The following DLG2 variants were observed in gnomAD, a reference collection of about 807,000 sequenced individuals.
DLG2 encodes discs large MAGUK scaffold protein 2, also known as disks large homolog 2.
Under a neutral mutation model 132.5 loss-of-function variants are expected in DLG2, and 45 were observed. That is an observed-to-expected ratio of 0.34 (90% CI 0.27 to 0.44). The LOEUF (loss-of-function observed/expected upper bound fraction) is 0.44, where lower values mean the gene tolerates loss of function less well. Among genes scored for constraint, DLG2 ranks in the 20% least tolerant of loss-of-function variants. The probability of loss-of-function intolerance (pLI) is 1.00; values close to 1 mark genes in which losing one functional copy is unlikely to be tolerated. For synonymous variants in DLG2, 424 were observed against 419.6 expected, an observed-to-expected ratio of 1.01 and a Z score of -0.13; for missense variants, 1,045 against 1,196.9, an observed-to-expected ratio of 0.87 and a Z score of 1.87.
chr11:85,463,378 T>C (rs1018582692), intron 3 of DLG2, among the ~76,000 whole-genome samples: 3 of 152,158 alleles, frequency 2.0e-5, no homozygotes, highest in African/African-American at 7.2e-5. Flanking sequence ...AAAATGTCTA[T>C]GAAAACAGAA....
chr11:84,448,009 G>C (rs144658972), intron 7 of DLG2, among the ~76,000 whole-genome samples: 2 of 152,018 alleles, frequency 1.3e-5, no homozygotes, highest in Non-Finnish European at 2.9e-5. Context: ...GCATAAATAA[G>C]GCCATTTTTT....
At chr11:83,681,543 C>T (rs907753233) in intron 18 of DLG2, among the ~76,000 whole-genome samples, 3 of 152,202 alleles carry the variant, frequency 2.0e-5, no homozygotes, top group Non-Finnish European at 2.9e-5. Flanking sequence ...TTCACTCCCT[C>T]TCCCACATCA....
intron 4 of DLG2, among the ~76,000 whole-genome samples, chr11:85,215,191 T>G (rs35439288): frequency 0.02 from 3,023 of 152,310 alleles, 58 homozygotes; most frequent in Admixed American, 0.037. Context: ...ATTTTCAGAA[T>G]GAGAGGAGGT....
At chr11:83,819,558 T>C (rs925985228) in intron 17 of DLG2, among the ~76,000 whole-genome samples, 1 of 147,026 alleles carries the variant, frequency 6.8e-6, no homozygotes. Flanking sequence ...AATTCTATCA[T>C]AAATCTGAGA....
At chr11:85,479,172 A>G (rs889930681) in intron 3 of DLG2, among the ~76,000 whole-genome samples, 5 of 152,238 alleles carry the variant, frequency 3.3e-5, no homozygotes, top group African/African-American at 4.8e-5. Flanking sequence ...CATTTGGGCT[A>G]CTATACCAAA....
chr11:84,613,105 C>T lies in DLG2; in HGVS notation c.358-78374G>A, dbSNP rs147632504. On this transcript the variant is annotated intron_variant, in intron 6 of 27. Transcript: ENST00000376104. ...TGGGCTGATCGAGAACACTGCAAGA[C>T]GCTGGGGACTGGCTTGATCTAATTT... is the stretch of plus-strand genomic sequence containing the variant. 3.9e-5 allele frequency among the ~76,000 whole-genome samples: 6 copies of T among 152,194 alleles called. No individual in the cohort carries two copies. In the East Asian group the frequency reaches 5.8e-4, roughly 15 times the overall value.
intron 25 of DLG2, among the ~76,000 whole-genome samples, chr11:83,467,376 A>C (rs1360933712): frequency 6.6e-6 from 1 of 152,108 alleles, no homozygotes; most frequent in Admixed American, 6.6e-5. Context: ...GAATAATGTG[A>C]ATTTTTCCAA....
chr11:85,293,675 G>A (rs1164790970), intron 3 of DLG2, among the ~76,000 whole-genome samples: 1 of 152,140 alleles, frequency 6.6e-6, no homozygotes, highest in Non-Finnish European at 1.5e-5. Flanking sequence ...AAACAGGCAT[G>A]ACAATTAAAT....
At chr11:85,452,825 A>G (rs143270327) in intron 3 of DLG2, 244 of 162,544 alleles carry the variant, frequency 1.5e-3, no homozygotes, top group African/African-American at 5.5e-3. Flanking sequence ...TAATGCAGGC[A>G]GCAGCTTCAT....
chr11:85,413,990 G>A (rs774246945), intron 3 of DLG2, among the ~76,000 whole-genome samples: 5 of 152,040 alleles, frequency 3.3e-5, no homozygotes, highest in Non-Finnish European at 5.9e-5. Flanking sequence ...GCTTTTGGCA[G>A]TACGGTCATT....
At chr11:83,556,863 T>C (rs1212541948) in intron 19 of DLG2, among the ~76,000 whole-genome samples, 1 of 152,146 alleles carries the variant, frequency 6.6e-6, no homozygotes, top group Non-Finnish European at 1.5e-5. Context: ...GCGGGGAAGA[T>C]GACTAGACAA....
chr11:84,710,882 G>C (rs1421969485), intron 6 of DLG2, among the ~76,000 whole-genome samples: 1 of 150,904 alleles, frequency 6.6e-6, no homozygotes, highest in South Asian at 2.1e-4. Flanking sequence ...CATCATTCAG[G>C]ATGCTATTGT....
intron 6 of DLG2, among the ~76,000 whole-genome samples, chr11:84,771,032 G>A (rs925183016): frequency 2.0e-5 from 3 of 152,104 alleles, no homozygotes; most frequent in Admixed American, 6.5e-5. Flanking sequence ...CTATTTATGG[G>A]CACCTGGGTT....
chr11:85,337,007 T>C (rs2152850909), intron 3 of DLG2, among the ~76,000 whole-genome samples: 1 of 152,318 alleles, frequency 6.6e-6, no homozygotes, highest in East Asian at 1.9e-4. Flanking sequence ...ATTATTCACA[T>C]GCTTTCTTAA....
intron 11 of DLG2, among the ~76,000 whole-genome samples, chr11:84,033,915 C>T (rs1210654083): frequency 2.0e-5 from 3 of 151,636 alleles, no homozygotes; most frequent in South Asian, 2.1e-4. Flanking sequence ...AACAAACAAA[C>T]AAACAAACAA....
chr11:85,600,324 T>A (rs1051364553), intron 2 of DLG2, among the ~76,000 whole-genome samples: 2 of 152,214 alleles, frequency 1.3e-5, no homozygotes, highest in Non-Finnish European at 2.9e-5. Flanking sequence ...CAGCAGTCAA[T>A]TATCAATCAT....
At chr11:85,248,076 C>T (rs760998083) in intron 4 of DLG2, among the ~76,000 whole-genome samples, 1 of 152,078 alleles carries the variant, frequency 6.6e-6, no homozygotes, top group African/African-American at 2.4e-5. Context: ...AGACTGGTTG[C>T]ATACTCATTA....
At chr11:83,653,661 T>C (rs1376688370) in intron 18 of DLG2, among the ~76,000 whole-genome samples, 1 of 152,238 alleles carries the variant, frequency 6.6e-6, no homozygotes, top group Non-Finnish European at 1.5e-5. Flanking sequence ...TTTTGTCTGT[T>C]GATAAAGTGA....
At chr11:84,483,529 T>G (rs1463436096) in intron 7 of DLG2, among the ~76,000 whole-genome samples, 1 of 152,048 alleles carries the variant, frequency 6.6e-6, no homozygotes, top group African/African-American at 2.4e-5. Flanking sequence ...AACTACTTTT[T>G]GCACTGTCGT....
Sources: gnomAD v4.1 joint callset for allele counts (sites outside exome capture counted in the v4.1 genomes callset) on GRCh38, gnomAD v4.1.1 for gene constraint, MANE v1.5 for transcripts, NCBI Gene and HGNC (gene_info 2026-07-23, HGNC 2026-07-21) for gene names.